The following PLSCR4 variants were observed in gnomAD, a reference collection of about 807,000 sequenced individuals.
PLSCR4 encodes the protein phospholipid scramblase 4, also known as Ca(2+)-dependent phospholipid scramblase 4.
In PLSCR4, 25 loss-of-function variants were observed where a neutral mutation model predicts 36.3. The ratio of observed to expected loss-of-function variants is 0.69; its 90% CI spans 0.50 to 0.96. The LOEUF (loss-of-function observed/expected upper bound fraction) is 0.96. Ranked by LOEUF, PLSCR4 falls within the 40% of genes least tolerant of loss-of-function variation. The pLI is 0.00. For synonymous variants in PLSCR4, 122 were observed against 132.9 expected (o/e 0.92, Z 0.56); for missense variants, 408 against 414.7 (o/e 0.98, Z 0.14).
chr3:146,195,653 CT>C (rs1196065478), intron 7 of PLSCR4, among the ~76,000 whole-genome samples: 6 of 152,284 alleles, frequency 3.9e-5, no homozygotes, highest in Admixed American at 3.9e-4. Flanking sequence ...GAAACAAGTA[CT>C]GTTCACTTCA....
At chr3:146,237,876 A>T (rs2035982999) in intron 1 of PLSCR4, among the ~76,000 whole-genome samples, 1 of 151,918 alleles carries the variant, frequency 6.6e-6, no homozygotes, top group South Asian at 2.1e-4. Context: ...TAAAATAGAG[A>T]ATAAAAAAGA....
chr3:146,199,519 G>C (rs1283473463), intron 6 of PLSCR4, among the ~76,000 whole-genome samples: 1 of 151,656 alleles, frequency 6.6e-6, no homozygotes, highest in Non-Finnish European at 1.5e-5. Flanking sequence ...AGATAAATGT[G>C]GTAGGTAAAT....
chr3:146,225,838 G>A (rs2035449972), intron 1 of PLSCR4, among the ~76,000 whole-genome samples: 1 of 152,190 alleles, frequency 6.6e-6, no homozygotes, highest in South Asian at 2.1e-4. Flanking sequence ...CTGAGGGAGT[G>A]GGCTCCAGCC....
At chr3:146,206,450 T>G in intron 4 of PLSCR4, 76 bp downstream of exon 4, 1 of 1,032,540 alleles carries the variant, frequency 9.7e-7, no homozygotes, top group Non-Finnish European at 1.5e-6. Context: ...TTCACTCTGG[T>G]CTGCTTTTTT....
intron 3 of PLSCR4, among the ~76,000 whole-genome samples, chr3:146,210,092 T>C (rs1023557677): frequency 6.6e-6 from 1 of 152,216 alleles, no homozygotes. Flanking sequence ...CAGCCTCCCA[T>C]ATACTTTAAA....
Position 146,206,615 on chromosome 3 carries a change from G to A in PLSCR4, c.265C>T (p.Pro89Ser), listed in dbSNP as rs2034342829. ...HPVRYQPGKYPMPNQSVPITW... is the reference protein window; with the variant it reads ...HPVRYQPGKYSMPNQSVPITW... ...ATTGGAACAGACTGATTTGGCATAG[G>A]ATATTTGCCAGGCTGATACCGGACA... Residue 89 changes from proline (P) to serine (S), a missense_variant, in exon 4 of 9, where the codon CCT (proline) becomes TCT (serine). Transcript: ENST00000354952. The A allele has an allele frequency of 6.2e-7, 1 of 1,613,514 alleles. No individual in the cohort carries two copies. Among genetic ancestry groups the A allele is most frequent in the South Asian group, 1.1e-5 (1 of 91,070 alleles).
intron 3 of PLSCR4, among the ~76,000 whole-genome samples, chr3:146,219,963 T>A (rs2035063732): frequency 6.6e-6 from 1 of 152,002 alleles, no homozygotes; most frequent in Non-Finnish European, 1.5e-5. Context: ...TTTGCCATTA[T>A]CTTGTGCCAT....
At chr3:146,238,701 A>G (rs2036020053) in intron 1 of PLSCR4, among the ~76,000 whole-genome samples, 1 of 152,128 alleles carries the variant, frequency 6.6e-6, no homozygotes, top group Non-Finnish European at 1.5e-5. Flanking sequence ...TCAACAGAGA[A>G]AGACTAAATG....
intron 1 of PLSCR4, among the ~76,000 whole-genome samples, chr3:146,224,998 A>G (rs2035382364): frequency 6.6e-6 from 1 of 151,982 alleles, no homozygotes; most frequent in Non-Finnish European, 1.5e-5. Flanking sequence ...CTTGAGCTAA[A>G]CACAGGGTGC....
At chr3:146,197,305 T>C (rs960139522) in intron 6 of PLSCR4, among the ~76,000 whole-genome samples, 1 of 152,122 alleles carries the variant, frequency 6.6e-6, no homozygotes, top group East Asian at 1.9e-4. Flanking sequence ...AGGCTTACAA[T>C]GAGGAAGCAA....
At chr3:146,213,336 T>C (rs983068093) in intron 3 of PLSCR4, among the ~76,000 whole-genome samples, 1 of 143,888 alleles carries the variant, frequency 6.9e-6, no homozygotes, top group Non-Finnish European at 1.5e-5. Flanking sequence ...AAAATTTCCT[T>C]TTTTTTTTTT....
intron 3 of PLSCR4, among the ~76,000 whole-genome samples, chr3:146,211,821 A>G (rs1378868025): frequency 1.3e-5 from 2 of 152,080 alleles, no homozygotes; most frequent in Non-Finnish European, 1.5e-5. Flanking sequence ...TTCTTTCCCT[A>G]TTGAATTATT....
intron 1 of PLSCR4, among the ~76,000 whole-genome samples, chr3:146,247,836 G>T (rs2036399542): frequency 6.6e-6 from 1 of 152,094 alleles, no homozygotes; most frequent in Non-Finnish European, 1.5e-5. Flanking sequence ...TTCCCAGGCT[G>T]CTCTCAAACT....
In PLSCR4 at chr3:146,206,728, C is replaced by G. The variant is rs367832616; in HGVS notation, c.152G>C (p.Gly51Ala). The G allele has an allele frequency of 6.2e-6, 10 of 1,603,388 alleles. No homozygotes were observed. Among genetic ancestry groups the G allele is most frequent in the Non-Finnish European group, 8.5e-6 (10 of 1,174,022 alleles). Residue 51 changes from glycine (G) to alanine (A), a missense_variant, in exon 4 of 9, where the codon GGC becomes GCC. Gly to Ala is a moderately conservative substitution (Grantham distance 60). Coordinates refer to ENST00000354952, the MANE Select transcript of PLSCR4 (RefSeq NM_020353.3). ...TCCCATAGGCAAGCCTCCTGGGTAG[C>G]CAGTAGGTGGAGGGACAGCTGTTCC... ...PPGTAVPPPTGYPGGLPMGYY... is the reference protein window; with the variant it reads ...PPGTAVPPPTAYPGGLPMGYY...
At chr3:146,200,930 T>C in intron 5 of PLSCR4, 105 bp downstream of exon 5, 3 of 711,336 alleles carry the variant, frequency 4.2e-6, no homozygotes, top group East Asian at 2.9e-5. Flanking sequence ...TTTTTTTTCT[T>C]TGAGCCACTA....
intron 1 of PLSCR4, among the ~76,000 whole-genome samples, chr3:146,244,490 A>C (rs10935615): frequency 0.78 from 118,897 of 151,958 alleles, 47,214 homozygotes; most frequent in Non-Finnish European, 0.86. Context: ...CTCTTTGTCA[A>C]ATTTTGGTAA....
intron 2 of PLSCR4, among the ~76,000 whole-genome samples, 167 bp downstream of exon 2, chr3:146,221,897 TA>T (rs1439320489): frequency 6.6e-6 from 1 of 151,834 alleles, no homozygotes; most frequent in Non-Finnish European, 1.5e-5. Context: ...TCTATATACA[TA>T]AATAACAAAT....
chr3:146,241,377 T>C (rs1315118900), intron 1 of PLSCR4, among the ~76,000 whole-genome samples: 2 of 152,172 alleles, frequency 1.3e-5, no homozygotes, highest in Non-Finnish European at 2.9e-5. Context: ...GGAGTGGTTA[T>C]ACTAATATCT....
intron 1 of PLSCR4, among the ~76,000 whole-genome samples, chr3:146,223,149 T>C (rs1225108121): frequency 6.6e-6 from 1 of 152,092 alleles, no homozygotes; most frequent in Non-Finnish European, 1.5e-5. Flanking sequence ...TAAAAATATG[T>C]ATGGGAACAT....
Sources: allele counts gnomAD v4.1 joint callset (sites outside exome capture counted in the v4.1 genomes callset), GRCh38; gene constraint gnomAD v4.1.1; transcripts MANE v1.5; gene names NCBI Gene and HGNC (gene_info 2026-07-23, HGNC 2026-07-21).